Variants in SLC14A2 observed in about 807,000 individuals in gnomAD.
SLC14A2 encodes the protein solute carrier family 14 member 2, also known as urea transporter 2.
SLC14A2 carries 91 observed loss-of-function variants against 104.6 expected under a neutral mutation model. That is an observed-to-expected ratio of 0.87 (90% confidence interval 0.73 to 1.04). SLC14A2 has a LOEUF of 1.04. SLC14A2 is among the 50% of genes least tolerant of loss of function. The pLI is 0.00. For synonymous variants in SLC14A2, 476 were observed against 466.4 expected, an observed-to-expected ratio of 1.02 and a Z score of -0.27; for missense variants, 1,189 against 1,156.0, an observed-to-expected ratio of 1.03 and a Z score of -0.41.
intron 1 of SLC14A2, among the ~76,000 whole-genome samples, chr18:45,446,399 C>T (rs545610586): frequency 6.6e-6 from 1 of 152,152 alleles, no homozygotes; most frequent in African/African-American, 2.4e-5. Flanking sequence ...CTCTCTCTTT[C>T]CACCACATAA....
chr18:45,276,597 T>A (rs894726883), intron 1 of SLC14A2, among the ~76,000 whole-genome samples: 6 of 152,260 alleles, frequency 3.9e-5, no homozygotes, highest in Middle Eastern at 3.2e-3. Flanking sequence ...TTAATTTTTT[T>A]AAGTTATATT....
At chr18:45,361,028 G>T (rs2085605074) in intron 1 of SLC14A2, among the ~76,000 whole-genome samples, 1 of 152,090 alleles carries the variant, frequency 6.6e-6, no homozygotes, top group Admixed American at 6.6e-5. Flanking sequence ...CAATGGACAG[G>T]ACCCGTATCC....
At chr18:45,642,292 G>A (rs1025167675) in intron 8 of SLC14A2, among the ~76,000 whole-genome samples, 1 of 152,204 alleles carries the variant, frequency 6.6e-6, no homozygotes, top group Non-Finnish European at 1.5e-5. Flanking sequence ...CAGCCAACAT[G>A]AGGCTGGGCA....
chr18:45,427,012 G>A (rs987787754), intron 1 of SLC14A2, among the ~76,000 whole-genome samples: 3 of 152,050 alleles, frequency 2.0e-5, no homozygotes, highest in African/African-American at 4.8e-5. Context: ...ATAGAGTTGG[G>A]GAAATATTTG....
chr18:45,316,660 C>T lies in SLC14A2; in HGVS notation c.-125+103469C>T, dbSNP rs550269706. 9.2e-5 allele frequency among the ~76,000 whole-genome samples: 14 copies of T among 152,250 alleles called. 1 individual carries two copies. Among genetic ancestry groups the T allele is most frequent in the Middle Eastern group, 3.4e-3 (1 of 294 alleles). ...GTGTGAGAATTCTGAAGTGAGGTTTCGAGGAGAGTATAGCAGTACTCTGGG... is the reference window on the plus strand; with the variant it reads ...GTGTGAGAATTCTGAAGTGAGGTTTTGAGGAGAGTATAGCAGTACTCTGGG... On this transcript the variant is annotated intron_variant, in intron 1 of 20. Transcript: ENST00000586448.
intron 13 of SLC14A2, 131 bp from the exon 14 acceptor site, chr18:45,667,702 C>A: frequency 1.5e-6 from 1 of 680,352 alleles, no homozygotes; most frequent in Non-Finnish European, 2.6e-6. Context: ...TCTTTGGTGG[C>A]AGGTGACAGC....
In SLC14A2 at chr18:45,601,185, A is replaced by G. The variant is rs79650946; in HGVS notation, c.-34-23446A>G. Among the ~76,000 whole-genome samples the G allele has an allele frequency of 1.1e-3, 169 of 152,318 alleles. 3 individuals carry two copies. The East Asian group carries it at 0.025, about 23-fold the overall frequency. ...AAAGAGAATGCGCGGCCCAACCTAC[A>G]GCTTCATTCTAACTGGCTACCAACT... On this transcript the variant is annotated intron_variant, in intron 2 of 20. Coordinates refer to the SLC14A2 transcript ENST00000586448.
chr18:45,204,587 A>G, the SLC14A2 span, among the ~76,000 whole-genome samples: 1 of 152,326 alleles, frequency 6.6e-6, no homozygotes, highest in African/African-American at 2.4e-5. Flanking sequence ...AGAGTAATGC[A>G]TGTATTGTAA....
the SLC14A2 span, among the ~76,000 whole-genome samples, chr18:45,200,548 C>A: frequency 5.9e-5 from 9 of 151,996 alleles, no homozygotes; most frequent in Admixed American, 3.9e-4. Context: ...GATTTTTCTA[C>A]CATAGAATTT....
intron 1 of SLC14A2, among the ~76,000 whole-genome samples, chr18:45,246,173 G>A (rs2084365523): frequency 6.6e-6 from 1 of 152,104 alleles, no homozygotes; most frequent in East Asian, 1.9e-4. Context: ...GAGACACCAG[G>A]AATATATTCA....
At chr18:45,412,267 A>G (rs1004334474) in intron 1 of SLC14A2, among the ~76,000 whole-genome samples, 3 of 152,024 alleles carry the variant, frequency 2.0e-5, no homozygotes, top group African/African-American at 7.2e-5. Flanking sequence ...CACAGTGAAC[A>G]ATGTTTTATC....
chr18:45,683,495 T>C lies in SLC14A2; in HGVS notation c.*976T>C, dbSNP rs576455669. ...GTTTTATTCTTGAGTCATAGGAAAA[T>C]GCTCTCCAGACGTGGGGTTAGGAAC... On this transcript the variant is annotated 3_prime_UTR_variant, in exon 20 of 20. Transcript: ENST00000255226. 1 of 152,280 alleles carries C rather than the reference T, an allele frequency of 6.6e-6. No individual in the cohort carries two copies. The highest frequency in any genetic ancestry group is 1.9e-4 in the East Asian group (1 of 5,186). 9.4% of individuals were successfully genotyped at this position (152,280 alleles called of 1,614,324 possible).
chr18:45,302,151 G>A (rs1599657511), intron 1 of SLC14A2, among the ~76,000 whole-genome samples: 1 of 152,184 alleles, frequency 6.6e-6, no homozygotes, highest in Admixed American at 6.5e-5. Flanking sequence ...CATGCCTGAT[G>A]CTCAGTACTC....
At chr18:45,667,123 C>T (rs1420287856) in intron 13 of SLC14A2, 29 bp downstream of exon 13, 1 of 1,591,408 alleles carries the variant, frequency 6.3e-7, no homozygotes, top group Non-Finnish European at 8.6e-7. Context: ...AACACTGACC[C>T]TGACCCTAAA....
intron 1 of SLC14A2, among the ~76,000 whole-genome samples, chr18:45,325,680 T>A (rs1050760386): frequency 3.3e-5 from 5 of 152,226 alleles, no homozygotes; most frequent in Non-Finnish European, 7.3e-5. Flanking sequence ...CCGTGTTTAA[T>A]GGTCTTGGTG....
At chr18:45,551,538 G>A (rs2044056405) in intron 2 of SLC14A2, among the ~76,000 whole-genome samples, 1 of 152,220 alleles carries the variant, frequency 6.6e-6, no homozygotes, top group Non-Finnish European at 1.5e-5. Context: ...CTCGATGTCA[G>A]TCCAGGCTCT....
At chr18:45,299,445 C>G (rs761679235) in intron 1 of SLC14A2, among the ~76,000 whole-genome samples, 1 of 152,010 alleles carries the variant, frequency 6.6e-6, no homozygotes, top group Non-Finnish European at 1.5e-5. Context: ...CCCTCTTTAT[C>G]GGTTTTGTTT....
chr18:45,682,087 T>G (rs1390779359), intron 19 of SLC14A2, among the ~76,000 whole-genome samples: 1 of 152,220 alleles, frequency 6.6e-6, no homozygotes, highest in Non-Finnish European at 1.5e-5. Context: ...TAAGGGCATA[T>G]TAGCCCAACT....
At chr18:45,502,489 G>T (rs1388069750) in intron 2 of SLC14A2, among the ~76,000 whole-genome samples, 1 of 152,282 alleles carries the variant, frequency 6.6e-6, no homozygotes, top group African/African-American at 2.4e-5. Context: ...CATAGGAACA[G>T]TTCCATGTCT....
Sources: gnomAD v4.1 joint callset for allele counts (sites outside exome capture counted in the v4.1 genomes callset) on GRCh38, gnomAD v4.1.1 for gene constraint, MANE v1.5 for transcripts, NCBI Gene and HGNC (gene_info 2026-07-23, HGNC 2026-07-21) for gene names.